Variants in TMC5 observed in about 807,000 individuals in gnomAD.
TMC5 encodes transmembrane channel like 5.
TMC5 carries 86 observed loss-of-function variants against 110.5 expected under a neutral mutation model. The observed-to-expected ratio is 0.78, with a 90% CI of 0.65 to 0.93. TMC5 has a LOEUF of 0.93. Among genes scored for constraint, TMC5 ranks in the 40% least tolerant of loss-of-function variants. TMC5 has a pLI of 0.00. For missense variants in TMC5, 1,144 were observed against 1,222.8 expected, an observed-to-expected ratio of 0.94 and a Z score of 0.96; for synonymous variants, 455 against 439.5, an observed-to-expected ratio of 1.04 and a Z score of -0.44.
chr16:19,494,533 G>A (rs1319312146), intron 20 of TMC5, among the ~76,000 whole-genome samples, 167 bp downstream of exon 20: 9 of 152,186 alleles, frequency 5.9e-5, no homozygotes, highest in Non-Finnish European at 8.8e-5. Flanking sequence ...TCATGGCCAG[G>A]TGCAGTGGCT....
upstream of TMC5, among the ~76,000 whole-genome samples, chr16:19,415,787 C>G (rs1482998456): frequency 6.6e-6 from 1 of 152,188 alleles, no homozygotes; most frequent in Non-Finnish European, 1.5e-5. Flanking sequence ...CTCCTCCTCT[C>G]ATTTCCTCTG....
intron 4 of TMC5, among the ~76,000 whole-genome samples, chr16:19,448,394 T>A (rs1967666406): frequency 2.0e-5 from 3 of 151,708 alleles, no homozygotes; most frequent in Non-Finnish European, 4.4e-5. Context: ...GCTGGCAGAT[T>A]GTTTGAGCCG....
chr16:19,495,869 C>T (rs1969039240), intron 20 of TMC5, among the ~76,000 whole-genome samples: 2 of 151,938 alleles, frequency 1.3e-5, no homozygotes, highest in African/African-American at 4.8e-5. Context: ...ACAGTGGCTC[C>T]CTCCTGTGAT....
intron 5 of TMC5, among the ~76,000 whole-genome samples, chr16:19,457,716 T>TTCTTTC (rs1567310714): frequency 1.3e-5 from 1 of 79,734 alleles, no homozygotes; most frequent in Non-Finnish European, 2.3e-5. Flanking sequence ...ATTCTTTTTT[T>TTCTTTC]TTTTTTTTTT....
intron 1 of TMC5, among the ~76,000 whole-genome samples, chr16:19,423,086 T>C (rs1438639033): frequency 6.6e-6 from 1 of 152,254 alleles, no homozygotes; most frequent in Non-Finnish European, 1.5e-5. Context: ...GTTGCACCGC[T>C]GCACTTACCC....
intron 17 of TMC5, among the ~76,000 whole-genome samples, chr16:19,488,415 G>A (rs985606737): frequency 3.3e-5 from 5 of 151,590 alleles, no homozygotes; most frequent in African/African-American, 7.3e-5. Context: ...CCCCCACCCC[G>A]TTCCTCCACA....
At chr16:19,494,450 C>A in intron 20 of TMC5, 84 bp downstream of exon 20, 3 of 867,374 alleles carry the variant, frequency 3.5e-6, no homozygotes, top group African/African-American at 1.7e-5. Flanking sequence ...ACAGACCAAG[C>A]TCTTGGGATC....
chr16:19,481,612 T>C, intron 15 of TMC5, 147 bp downstream of exon 15: 1 of 651,050 alleles, frequency 1.5e-6, no homozygotes, highest in East Asian at 2.7e-5. Flanking sequence ...GAATTTAGCA[T>C]TTAGACTATC....
At chr16:19,415,453 A>G (rs995210151), upstream of TMC5, among the ~76,000 whole-genome samples, 1 of 152,150 alleles carries the variant, frequency 6.6e-6, no homozygotes, top group African/African-American at 2.4e-5. Flanking sequence ...TCCTCCTGGT[A>G]TCTAATAGAT....
chr16:19,475,597 G>A lies in TMC5; in HGVS notation c.2090+1321G>A, dbSNP rs369699006. On this transcript the variant is annotated intron_variant, in intron 12 of 21. Transcript: ENST00000542583. ...TGTCCCCGTCACAGACCTCCTAAGC[G>A]TTCACAAATATGCCAAACCATATTC... 1.8e-4 allele frequency among the ~76,000 whole-genome samples: 28 copies of A among 152,126 alleles called. No individual in the cohort carries two copies. The East Asian group carries it at 2.9e-3, about 16-fold the overall frequency.
At chr16:19,491,750 T>G (rs1968912778) in intron 18 of TMC5, among the ~76,000 whole-genome samples, 1 of 152,136 alleles carries the variant, frequency 6.6e-6, no homozygotes, top group South Asian at 2.1e-4. Context: ...TTAGCCAGGA[T>G]GATCTCGATC....
chr16:19,499,048 G>A lies in TMC5; in HGVS notation c.*1082G>A, dbSNP rs1339097459. On this transcript the variant is annotated 3_prime_UTR_variant, in exon 22 of 22. Transcript: ENST00000542583. ...TGCATTCCAGCCTGGGCAACAGTGA[G>A]ACTCTGCCTCAAAAAAATAAATAAA... 1 of 146,674 alleles carries A rather than the reference G, an allele frequency of 6.8e-6. No homozygotes were observed. Among genetic ancestry groups the A allele is most frequent in the African/African-American group, 2.5e-5 (1 of 40,140 alleles). The allele number at this position is 146,674 out of a possible 1,614,324, so 9.1% of individuals were successfully genotyped here.
At chr16:19,475,423 G>GAA (rs747294841) in intron 12 of TMC5, among the ~76,000 whole-genome samples, 8 of 139,062 alleles carry the variant, frequency 5.8e-5, no homozygotes, top group African/African-American at 1.3e-4. Context: ...CTCCATCTCA[G>GAA]AAAAAAAAAA....
intron 7 of TMC5, 68 bp from the exon 8 acceptor site, chr16:19,463,708 T>C (rs879345497): frequency 6.4e-7 from 1 of 1,557,424 alleles, no homozygotes; most frequent in East Asian, 2.2e-5. Context: ...TCTGTTATTA[T>C]GGCACCTGCT....
intron 2 of TMC5, among the ~76,000 whole-genome samples, chr16:19,435,445 T>G (rs1967322911): frequency 1.3e-5 from 2 of 151,668 alleles, no homozygotes; most frequent in Non-Finnish European, 2.9e-5. Context: ...GAGGTTGCAG[T>G]GAGCCAAGAT....
At chr16:19,436,295 A>AAAAAAAAAAGAAAG (rs1491247478) in intron 2 of TMC5, among the ~76,000 whole-genome samples, 2 of 150,786 alleles carry the variant, frequency 1.3e-5, no homozygotes, top group African/African-American at 2.4e-5. Flanking sequence ...GAAAGGAAAA[A>AAAAAAAAAAGAAAG]GAAAAAGAAA....
chr16:19,473,783 C>T (rs374011479), intron 11 of TMC5, among the ~76,000 whole-genome samples: 1 of 152,148 alleles, frequency 6.6e-6, no homozygotes, highest in East Asian at 1.9e-4. Flanking sequence ...AGTTAGAGAC[C>T]AGCCTGGCCA....
chr16:19,440,806 G>A lies in TMC5; in HGVS notation c.768G>A (p.Glu256=). Residue 256 remains glutamate (E), a synonymous_variant, in exon 3 of 22, where the codon GAG becomes GAA. Transcript: ENST00000542583. ...AENGHDYGSS[E]TPKMTRGVLS... is the part of the protein sequence containing the mutation. ...ATGGTCATGATTATGGCTCTTCTGA[G>A]ACCCCAAAGATGACCAGGGGGTAAG... 1 of 1,613,076 alleles carries A rather than the reference G, an allele frequency of 6.2e-7. No homozygotes were observed. Among genetic ancestry groups the A allele is most frequent in the Non-Finnish European group, 8.5e-7 (1 of 1,179,704 alleles).
rs1163084419 is a variant in TMC5 at position 19,463,298 on chromosome 16, A to T, written c.1167A>T (p.Glu389Asp). Residue 389 changes from glutamate to aspartate, a missense_variant, in exon 7 of 22, where the codon GAA becomes GAT. By Grantham distance (45) the Glu-to-Asp change is conservative. Coordinates refer to ENST00000542583, the MANE Select transcript of TMC5 (RefSeq NM_001261841.2). The part of the protein sequence containing the change: ...KRNLRKIVDK[E>D]KSKQTHRILQ... The stretch of plus-strand genomic sequence containing the variant: ...CCTACAGGAAAATAGTTGACAAAGA[A>T]AAAAGCAAACAGACCCATCGTATCC... 1.2e-6 allele frequency: 2 copies of T among 1,614,000 alleles called. No homozygotes were observed. The highest frequency in any genetic ancestry group is 1.7e-6 in the Non-Finnish European group (2 of 1,179,852).
Sources: allele counts gnomAD v4.1 joint callset (sites outside exome capture counted in the v4.1 genomes callset), GRCh38; gene constraint gnomAD v4.1.1; transcripts MANE v1.5; gene names NCBI Gene and HGNC (gene_info 2026-07-23, HGNC 2026-07-21).